The following TCEANC2 variants were observed in gnomAD, a reference collection of about 807,000 sequenced individuals.
TCEANC2 encodes the protein transcription elongation factor A N-terminal and central domain containing 2, also known as transcription elongation factor A N-terminal and central domain-containing protein 2.
Under a neutral mutation model 22.8 loss-of-function variants are expected in TCEANC2, and 20 were observed. That is an observed-to-expected ratio of 0.88 (90% CI 0.62 to 1.28). TCEANC2 has a LOEUF of 1.28. TCEANC2 is among the 50% of genes most tolerant of loss of function. The probability of loss-of-function intolerance (pLI) is 0.00; values close to 1 mark genes in which losing one functional copy is unlikely to be tolerated. For missense variants in TCEANC2, 251 were observed against 249.7 expected (o/e 1.01, Z -0.03); for synonymous variants, 84 against 95.5 (o/e 0.88, Z 0.70).
At position 54,101,510 on chromosome 1, in the gene TCEANC2, A is replaced by G. The variant is rs940319441; in HGVS notation, c.*5037A>G. On this transcript the variant is annotated 3_prime_UTR_variant, in exon 5 of 5. Transcript: ENST00000234827. ...TAATGTTGATAAAATCATTCTTTCAATACATATTTGTTGAGTTCTTACGTG... is the reference window on the plus strand; with the variant it reads ...TAATGTTGATAAAATCATTCTTTCAGTACATATTTGTTGAGTTCTTACGTG... 1.3e-5 allele frequency: 2 copies of G among 152,220 alleles called. No individual in the cohort carries two copies. Among genetic ancestry groups the G allele is most frequent in the African/African-American group, 4.8e-5 (2 of 41,454 alleles). The allele number at this position is 152,220 out of a possible 1,614,324, so 9.4% of individuals were successfully genotyped here. A position where few individuals can be genotyped will look rare whatever the true frequency, so the allele number is the denominator to read the frequency against.
In TCEANC2 at chr1:54,070,447, A is replaced by C. The variant is rs559075498; in HGVS notation, c.244+1550A>C. Among the ~76,000 whole-genome samples, 11 of 152,324 alleles carry C rather than the reference A, an allele frequency of 7.2e-5. No homozygotes were observed. The East Asian group carries it at 1.9e-3, about 27-fold the overall frequency. On this transcript the variant is annotated intron_variant, in intron 3 of 4. Coordinates refer to ENST00000234827, the MANE Select transcript of TCEANC2 (RefSeq NM_153035.3). ...AGGTTTTAAGATTATAATTAAAAAA[A>C]TAATTTCTATTTGGTGTTCGAGTGT... is the stretch of plus-strand genomic sequence containing the variant.
chr1:54,098,942 T>C lies in TCEANC2; in HGVS notation c.*2469T>C, dbSNP rs1277964550. 5 of 152,378 alleles carry C rather than the reference T, an allele frequency of 3.3e-5. No homozygotes were observed. The highest frequency in any genetic ancestry group is 3.3e-4 in the Admixed American group (5 of 15,278). 9.4% of individuals were successfully genotyped at this position (152,378 alleles called of 1,614,324 possible). ...GTGGAGATATCTGGAAGGTGATTGG[T>C]ATGGCTGGAGTAGAGGACACTGGCA... On this transcript the variant is annotated 3_prime_UTR_variant, in exon 5 of 5. Transcript: ENST00000234827.
intron 2 of TCEANC2, among the ~76,000 whole-genome samples, chr1:54,067,773 G>A (rs1049010991): frequency 6.6e-6 from 1 of 152,116 alleles, no homozygotes; most frequent in African/African-American, 2.4e-5. Context: ...AATGCATGTA[G>A]AAAACTGCAC....
At chr1:54,074,412 G>A (rs1382488014) in intron 3 of TCEANC2, among the ~76,000 whole-genome samples, 1 of 151,976 alleles carries the variant, frequency 6.6e-6, no homozygotes, top group Non-Finnish European at 1.5e-5. Context: ...GCAGTGAGCC[G>A]AGATCATGCC....
intron 3 of TCEANC2, among the ~76,000 whole-genome samples, chr1:54,086,190 A>G (rs1030755843): frequency 1.3e-4 from 20 of 152,116 alleles, no homozygotes; most frequent in African/African-American, 3.4e-4. Flanking sequence ...CCTGATTCCC[A>G]TCTCCTGCCA....
intron 2 of TCEANC2, among the ~76,000 whole-genome samples, chr1:54,061,897 A>G (rs760237994): frequency 1.1e-4 from 16 of 152,258 alleles, no homozygotes; most frequent in Admixed American, 2.0e-4. Flanking sequence ...GTGATTCTCA[A>G]TAGAGCTCAT....
chr1:54,107,434 G>C (rs1442533761), downstream of TCEANC2, among the ~76,000 whole-genome samples: 1 of 152,114 alleles, frequency 6.6e-6, no homozygotes, highest in Non-Finnish European at 1.5e-5. Flanking sequence ...CCACTATGAA[G>C]TTGTCATTTT....
intron 3 of TCEANC2, among the ~76,000 whole-genome samples, chr1:54,072,796 T>C (rs1014392824): frequency 6.6e-6 from 1 of 152,200 alleles, no homozygotes; most frequent in Non-Finnish European, 1.5e-5. Flanking sequence ...GCCTTTTATT[T>C]CTTAAACATT....
intron 3 of TCEANC2, among the ~76,000 whole-genome samples, chr1:54,076,844 T>C (rs1316351219): frequency 6.6e-6 from 1 of 152,046 alleles, no homozygotes; most frequent in African/African-American, 2.4e-5. Flanking sequence ...AGACAGGCAA[T>C]AAAGAAGAAA....
At chr1:54,066,901 T>G (rs1657968064) in intron 2 of TCEANC2, among the ~76,000 whole-genome samples, 1 of 152,166 alleles carries the variant, frequency 6.6e-6, no homozygotes, top group South Asian at 2.1e-4. Context: ...CAAGTGATAT[T>G]TCCCAATGAG....
chr1:54,072,720 TG>T (rs1258994708), intron 3 of TCEANC2, among the ~76,000 whole-genome samples: 1 of 152,208 alleles, frequency 6.6e-6, no homozygotes, highest in African/African-American at 2.4e-5. Flanking sequence ...ATTACAGGTG[TG>T]AGCTACCGCA....
rs1264414172 is a variant in TCEANC2 at position 54,105,003 on chromosome 1, CTAGAATGGATAG to C, written c.*8536_*8547del. 1 of 171,392 alleles carries C rather than the reference CTAGAATGGATAG, an allele frequency of 5.8e-6. No homozygotes were observed. The highest frequency in any genetic ancestry group is 2.4e-5 in the African/African-American group (1 of 42,188). The allele number at this position is 171,392 out of a possible 1,614,324, so 10.6% of individuals were successfully genotyped here. On this transcript the variant is annotated 3_prime_UTR_variant, in exon 5 of 5. Transcript: ENST00000234827. ...CGTGCTGGCTGAGGGTAAGGAGGAT[CTAGAATGGATAG>C]TAGAAGAGGGAGATGATGAGTATCA...
At chr1:54,093,840 A>C (rs980745230) in intron 4 of TCEANC2, among the ~76,000 whole-genome samples, 21 of 152,234 alleles carry the variant, frequency 1.4e-4, no homozygotes, top group African/African-American at 5.1e-4. Context: ...CCTCAAAAAA[A>C]AAAAGACTTT....
intron 1 of TCEANC2, 92 bp from the exon 2 acceptor site, chr1:54,054,289 T>A: frequency 2.7e-6 from 4 of 1,464,806 alleles, no homozygotes; most frequent in Non-Finnish European, 3.6e-6. Context: ...AATTCATGAA[T>A]TCTTCCAGAG....
rs546940623 is a variant in TCEANC2, at chr1:54,104,128, A to G, written c.*7655A>G. ...GTGCAGCACATGTTCGAAATCAAAG[A>G]CCGTTACGTGATGCTTTGTCTCCAA... On this transcript the variant is annotated 3_prime_UTR_variant, in exon 5 of 5. Coordinates refer to ENST00000234827, the MANE Select transcript of TCEANC2 (RefSeq NM_153035.3). 1 of 152,498 alleles carries G rather than the reference A, an allele frequency of 6.6e-6. No homozygotes were observed. Among genetic ancestry groups the G allele is most frequent in the Admixed American group, 6.5e-5 (1 of 15,334 alleles). The allele number at this position is 152,498 out of a possible 1,614,324, so 9.4% of individuals were successfully genotyped here. A position where few individuals can be genotyped will look rare whatever the true frequency, so the allele number is the denominator to read the frequency against.
At chr1:54,077,777 T>A (rs1358358535) in intron 3 of TCEANC2, among the ~76,000 whole-genome samples, 1 of 152,052 alleles carries the variant, frequency 6.6e-6, no homozygotes, top group African/African-American at 2.4e-5. Context: ...GTTGAACAAG[T>A]TTTCTCTATG....
chr1:54,057,171 G>T (rs991927776), intron 2 of TCEANC2, among the ~76,000 whole-genome samples: 2 of 150,808 alleles, frequency 1.3e-5, no homozygotes, highest in African/African-American at 4.9e-5. Context: ...ACTGGGACTA[G>T]AAATCTAGGA....
At chr1:54,108,281 C>T (rs920876349), downstream of TCEANC2, among the ~76,000 whole-genome samples, 17 of 152,164 alleles carry the variant, frequency 1.1e-4, no homozygotes, top group African/African-American at 3.4e-4. Context: ...CATAGCCACA[C>T]GGATGTCCTT....
chr1:54,065,716 A>ATATATATAT (rs1657941957), intron 2 of TCEANC2, among the ~76,000 whole-genome samples: 4 of 150,290 alleles, frequency 2.7e-5, no homozygotes, highest in Admixed American at 1.3e-4. Context: ...CTGTCTCAAA[A>ATATATATAT]ATATATATAT....
Sources: gnomAD v4.1 joint callset for allele counts (sites outside exome capture counted in the v4.1 genomes callset) on GRCh38, gnomAD v4.1.1 for gene constraint, MANE v1.5 for transcripts, NCBI Gene and HGNC (gene_info 2026-07-23, HGNC 2026-07-21) for gene names.